The following PRKDC variants were observed in gnomAD, a reference collection of about 807,000 sequenced individuals.
The protein encoded by PRKDC is DNA-dependent protein kinase catalytic subunit.
PRKDC carries 82 observed loss-of-function variants against 486.9 expected under a neutral mutation model. The ratio of observed to expected loss-of-function variants is 0.17; its 90% CI spans 0.14 to 0.20. PRKDC has a LOEUF of 0.20. PRKDC is among the 10% of genes least tolerant of loss of function. PRKDC has a pLI of 1.00. For missense variants in PRKDC, 4,504 were observed against 5,038.2 expected (o/e 0.89, Z 3.21); for synonymous variants, 1,895 against 1,837.0 (o/e 1.03, Z -0.81).
intron 26 of PRKDC, among the ~76,000 whole-genome samples, chr8:47,904,145 A>G (rs1342134051): frequency 6.6e-6 from 1 of 152,124 alleles, no homozygotes; most frequent in Non-Finnish European, 1.5e-5. Context: ...ATTCTAAGAC[A>G]ATGCTTCTCC....
Position 47,812,374 on chromosome 8 carries a change from T to C in PRKDC, c.9558-5048A>G, listed in dbSNP as rs992382566. On this transcript the variant is annotated intron_variant, in intron 68 of 85. Coordinates refer to ENST00000314191, the MANE Select transcript of PRKDC (RefSeq NM_006904.7). ...TAGGTATTTACTAAAATAGACCATA[T>C]GTTGGCACATAAAAGAAGTCTCAAT... Among the ~76,000 whole-genome samples, 6 of 152,338 alleles carry C rather than the reference T, an allele frequency of 3.9e-5. No individual in the cohort carries two copies. In the South Asian group the frequency reaches 1.2e-3, roughly 32 times the overall value.
chr8:47,835,770 T>G (rs2154499673), intron 58 of PRKDC, among the ~76,000 whole-genome samples: 1 of 145,514 alleles, frequency 6.9e-6, no homozygotes, highest in Admixed American at 6.8e-5. Context: ...TGCTTTTTGG[T>G]TTTTTTTTTT....
intron 80 of PRKDC, 128 bp from the exon 81 acceptor site, chr8:47,779,221 C>A: frequency 1.5e-6 from 1 of 649,044 alleles, no homozygotes; most frequent in Admixed American, 3.2e-5. Context: ...GACTTTTAAC[C>A]ATATTCAATA....
intron 80 of PRKDC, 104 bp from the exon 81 acceptor site, chr8:47,779,197 G>A: frequency 6.3e-6 from 5 of 794,300 alleles, no homozygotes; most frequent in Admixed American, 3.0e-5. Flanking sequence ...CAAAGAGGCA[G>A]GAAAAAATAA....
At chr8:47,796,563 A>G (rs1021393952) in intron 73 of PRKDC, among the ~76,000 whole-genome samples, 7 of 150,042 alleles carry the variant, frequency 4.7e-5, no homozygotes, top group African/African-American at 1.5e-4. Context: ...TTTGTTTCTT[A>G]TATGTGTTGC....
rs1254455636 is a variant in PRKDC, at chr8:47,889,200, T to C, written c.4094A>G (p.Asn1365Ser). The C allele has an allele frequency of 1.9e-6, 3 of 1,610,920 alleles. No homozygotes were observed. Among genetic ancestry groups the C allele is most frequent in the Non-Finnish European group, 2.5e-6 (3 of 1,178,576 alleles). ...GWKLLKKDLC[N>S]THLMRVLVQT... is the part of the protein sequence containing the mutation. ...CACCAGGACTCTCATCAGGTGTGTA[T>C]TACACAAGTCCTTCTTCAGGAGCTG... is the stretch of plus-strand genomic sequence containing the variant. The change falls in exon 33 of 86, where the codon AAT becomes AGT. Residue 1365 changes from asparagine to serine, a missense_variant. This residue lies in a region of PRKDC where 1,969 missense variants were observed against 2,068.9 expected (regional missense o/e 0.95). Coordinates refer to ENST00000314191, the MANE Select transcript of PRKDC (RefSeq NM_006904.7).
chr8:47,933,593 T>C (rs2090296019), intron 15 of PRKDC, among the ~76,000 whole-genome samples: 1 of 152,226 alleles, frequency 6.6e-6, no homozygotes, highest in South Asian at 2.1e-4. Context: ...CATAACTAAA[T>C]ATGCACACAT....
chr8:47,822,092 A>G (rs973338528), intron 64 of PRKDC, among the ~76,000 whole-genome samples: 6 of 152,154 alleles, frequency 3.9e-5, no homozygotes, highest in African/African-American at 1.2e-4. Flanking sequence ...AGACTAGCCT[A>G]GGCAACATGG....
Position 47,849,384 on chromosome 8 carries a change from T to C in PRKDC, c.7125A>G (p.Ala2375=), listed in dbSNP as rs777419617. The part of the protein sequence containing the change: ...NKVTKSFPPL[A]DRFMNAVFFL... ...GATCCCTGGACAGCCCATACCTGTC[T>C]GCAAGAGGAGGGAAGCTCTTGGTCA... Residue 2375 remains alanine (A), a synonymous_variant, in exon 53 of 86, where the codon GCA becomes GCG. Coordinates refer to ENST00000314191, the MANE Select transcript of PRKDC (RefSeq NM_006904.7). The C allele has an allele frequency of 2.5e-6, 4 of 1,613,998 alleles. No individual in the cohort carries two copies. In the East Asian group the frequency reaches 6.7e-5, roughly 27 times the overall value.
intron 42 of PRKDC, among the ~76,000 whole-genome samples, chr8:47,862,912 A>T (rs1285759000): frequency 1.3e-5 from 2 of 152,210 alleles, no homozygotes; most frequent in African/African-American, 4.8e-5. Context: ...TTGTTTGGTG[A>T]TGCAAAATGT....
At chr8:47,860,783 T>A in intron 45 of PRKDC, 116 bp downstream of exon 45, 1 of 730,276 alleles carries the variant, frequency 1.4e-6, no homozygotes, top group Non-Finnish European at 2.2e-6. Flanking sequence ...TTAGGGTACT[T>A]AAAGTATTTT....
intron 68 of PRKDC, 135 bp downstream of exon 68, chr8:47,817,315 T>C (rs570210784): frequency 4.7e-6 from 3 of 644,452 alleles, no homozygotes; most frequent in Admixed American, 2.7e-5. Flanking sequence ...ACTACTTACA[T>C]GGGAAACAGG....
chr8:47,779,480 C>A (rs1228062299), intron 80 of PRKDC: 2 of 162,708 alleles, frequency 1.2e-5, no homozygotes, highest in Non-Finnish European at 2.7e-5. Context: ...GCACCACAGG[C>A]GGCTGCTGGA....
At chr8:47,904,056 T>G (rs2089729917) in intron 26 of PRKDC, among the ~76,000 whole-genome samples, 1 of 152,018 alleles carries the variant, frequency 6.6e-6, no homozygotes, top group Non-Finnish European at 1.5e-5. Context: ...GGTTCAAAAT[T>G]TATAGTAAAA....
intron 26 of PRKDC, among the ~76,000 whole-genome samples, chr8:47,903,365 C>A (rs1433922626): frequency 6.6e-6 from 1 of 152,174 alleles, no homozygotes; most frequent in African/African-American, 2.4e-5. Context: ...GCCTTCTAGT[C>A]ATGACGCTGT....
chr8:47,927,248 A>G lies in PRKDC; in HGVS notation c.2365T>C (p.Tyr789His). ...TCCAGGCAGGGGAGAATGTCTTTGT[A>G]ATAAGGCTGCATTACATGTCTGTCA... ...YIDRHVMQPY[Y>H]KDILPCLDGY... The change falls in exon 21 of 86, where the codon TAC becomes CAC. Residue 789 changes from tyrosine to histidine, a missense_variant. Around this residue, in one of 6 missense-constraint regions of PRKDC, gnomAD observed 1,969 missense variants for 2,068.9 expected, o/e 0.95. Transcript: ENST00000314191. 1 of 1,613,870 alleles carries G rather than the reference A, an allele frequency of 6.2e-7. No individual in the cohort carries two copies. Among genetic ancestry groups the G allele is most frequent in the Non-Finnish European group, 8.5e-7 (1 of 1,179,784 alleles).
chr8:47,827,806 G>A (rs947330588), intron 62 of PRKDC, among the ~76,000 whole-genome samples: 4 of 152,156 alleles, frequency 2.6e-5, no homozygotes, highest in African/African-American at 7.2e-5. Flanking sequence ...AAAGCCAGGC[G>A]GGTACTCAGT....
chr8:47,883,762 A>C (rs953075601), intron 36 of PRKDC, among the ~76,000 whole-genome samples: 4 of 152,030 alleles, frequency 2.6e-5, no homozygotes, highest in Non-Finnish European at 5.9e-5. Context: ...CTCATCTTTC[A>C]GTTTTTTTTC....
At chr8:47,841,923 G>A (rs1388906775) in intron 54 of PRKDC, among the ~76,000 whole-genome samples, 1 of 152,106 alleles carries the variant, frequency 6.6e-6, no homozygotes, top group Non-Finnish European at 1.5e-5. Context: ...CTGTGTGCTG[G>A]GCAAAAAACC....
Sources: allele counts gnomAD v4.1 joint callset (sites outside exome capture counted in the v4.1 genomes callset), GRCh38; gene constraint gnomAD v4.1.1; regional missense constraint gnomAD v4.1.1; transcripts MANE v1.5; gene names NCBI Gene and HGNC (gene_info 2026-07-23, HGNC 2026-07-21).